The following UBE2E2 variants were observed in gnomAD, a reference collection of about 807,000 sequenced individuals.
UBE2E2 encodes the protein ubiquitin-conjugating enzyme E2 E2.
Under a neutral mutation model 24.7 loss-of-function variants are expected in UBE2E2, and 6 were observed. That is an observed-to-expected ratio of 0.24 (90% confidence interval 0.13 to 0.48). The LOEUF is 0.48. UBE2E2 is among the 20% of genes least tolerant of loss of function. UBE2E2 has a pLI of 0.99. For synonymous variants in UBE2E2, 104 were observed against 83.6 expected (o/e 1.24, Z -1.33); for missense variants, 169 against 245.0 (o/e 0.69, Z 2.07).
At chr3:23,533,624 T>TTTC (rs1695181022) in intron 5 of UBE2E2, among the ~76,000 whole-genome samples, 1 of 145,138 alleles carries the variant, frequency 6.9e-6, no homozygotes, top group Non-Finnish European at 1.5e-5. Context: ...TTAGTATTTT[T>TTTC]TTTTTTTTTT....
At chr3:23,489,828 C>G (rs531651431) in intron 3 of UBE2E2, among the ~76,000 whole-genome samples, 2 of 152,262 alleles carry the variant, frequency 1.3e-5, no homozygotes, top group South Asian at 4.1e-4. Context: ...TTTTCTGACC[C>G]TTAATATTAT....
At chr3:23,389,463 C>T (rs892041565) in intron 3 of UBE2E2, among the ~76,000 whole-genome samples, 4 of 152,180 alleles carry the variant, frequency 2.6e-5, no homozygotes, top group African/African-American at 9.7e-5. Context: ...GACATCTCTC[C>T]GGGGAGGACA....
rs186638873 is a variant in UBE2E2, at chr3:23,291,189, T to C, written c.227+73877T>C. Among the ~76,000 whole-genome samples the C allele has an allele frequency of 7.9e-5, 12 of 152,214 alleles. No individual in the cohort carries two copies. The East Asian group carries it at 2.3e-3, about 29-fold the overall frequency. ...ATAGCTTGGCCAGATAAGGGACTTC[T>C]AGGTAGAACCATGCACAAAAAGGTG... is the stretch of plus-strand genomic sequence containing the variant. On this transcript the variant is annotated intron_variant, in intron 3 of 5. Transcript: ENST00000396703.
chr3:23,298,882 C>T (rs1361431974), intron 3 of UBE2E2, among the ~76,000 whole-genome samples: 1 of 152,132 alleles, frequency 6.6e-6, no homozygotes, highest in East Asian at 1.9e-4. Context: ...CGTCTTTGTA[C>T]CTCTGGTAGA....
In UBE2E2 at chr3:23,247,542, C is replaced by T. The variant is rs568877600; in HGVS notation, c.227+30230C>T. ...GCTAATTTTTGTATTTTCAGTAGGA[C>T]GGGGTTTCTCCATATTGGTCAGGCT... is the stretch of plus-strand genomic sequence containing the variant. On this transcript the variant is annotated intron_variant, in intron 3 of 5. Transcript: ENST00000396703. Among the ~76,000 whole-genome samples, 157 of 152,040 alleles carry T rather than the reference C, an allele frequency of 1.0e-3. 1 individual carries two copies. The highest frequency in any genetic ancestry group is 3.4e-3 in the Middle Eastern group (1 of 292).
chr3:23,471,746 T>C (rs1300873191), intron 3 of UBE2E2, among the ~76,000 whole-genome samples: 2 of 152,086 alleles, frequency 1.3e-5, no homozygotes, highest in Non-Finnish European at 2.9e-5. Context: ...AATTAAGCAG[T>C]ACAGGACAAA....
At chr3:23,464,137 G>T (rs1698872402) in intron 3 of UBE2E2, among the ~76,000 whole-genome samples, 1 of 152,082 alleles carries the variant, frequency 6.6e-6, no homozygotes, top group African/African-American at 2.4e-5. Flanking sequence ...ATCTTTAATA[G>T]TAGTGAGAAC....
At chr3:23,338,793 T>C (rs1351889362) in intron 3 of UBE2E2, among the ~76,000 whole-genome samples, 3 of 152,104 alleles carry the variant, frequency 2.0e-5, no homozygotes, top group Non-Finnish European at 4.4e-5. Context: ...ATTAAGTAAA[T>C]TCAAACGGGA....
intron 3 of UBE2E2, among the ~76,000 whole-genome samples, chr3:23,471,711 A>C (rs1166745165): frequency 2.6e-5 from 4 of 152,230 alleles, no homozygotes; most frequent in Non-Finnish European, 5.9e-5. Flanking sequence ...CTGTCACTGA[A>C]GGAAGCTACT....
intron 3 of UBE2E2, among the ~76,000 whole-genome samples, chr3:23,331,514 G>T (rs1208458642): frequency 6.6e-6 from 1 of 151,344 alleles, no homozygotes. Context: ...CAGGGAGGGG[G>T]GTAAGGTGGT....
intron 3 of UBE2E2, among the ~76,000 whole-genome samples, chr3:23,372,177 T>C (rs1031182265): frequency 1.3e-5 from 2 of 152,216 alleles, no homozygotes; most frequent in African/African-American, 2.4e-5. Context: ...ACTTAATGTT[T>C]ATACATTTTG....
At chr3:23,370,451 C>T (rs1475060296) in intron 3 of UBE2E2, among the ~76,000 whole-genome samples, 1 of 151,974 alleles carries the variant, frequency 6.6e-6, no homozygotes, top group Non-Finnish European at 1.5e-5. Context: ...CAAAGTAAAC[C>T]CCATTATAGA....
At position 23,505,090 on chromosome 3, in the gene UBE2E2, G is replaced by GT. The variant is rs1302162342; in HGVS notation, c.360+5361dup. 4.0e-3 allele frequency among the ~76,000 whole-genome samples: 435 copies of GT among 107,630 alleles called. 1 individual carries two copies. Among genetic ancestry groups the GT allele is most frequent in the Non-Finnish European group, 6.2e-3 (323 of 51,976 alleles). 70.6% of individuals were successfully genotyped at this position (107,630 alleles called of 152,430 possible). A position where few individuals can be genotyped will look rare whatever the true frequency, so the allele number is the denominator to read the frequency against. ...CTGGCTAATTTTTGTTTTTTTTTTT[G>GT]TTTTTTTTTTTGTAGAGACAGGGTT... is the stretch of plus-strand genomic sequence containing the variant. On this transcript the variant is annotated intron_variant, in intron 4 of 5. Transcript: ENST00000396703.
chr3:23,568,448 G>A (rs577354880), intron 5 of UBE2E2, among the ~76,000 whole-genome samples: 3 of 151,686 alleles, frequency 2.0e-5, no homozygotes, highest in African/African-American at 2.4e-5. Flanking sequence ...TTTTTCTTTC[G>A]AGGTGGGAGT....
chr3:23,321,275 T>C (rs1028036825), intron 3 of UBE2E2, among the ~76,000 whole-genome samples: 7 of 152,200 alleles, frequency 4.6e-5, no homozygotes, highest in Admixed American at 1.3e-4. Flanking sequence ...TGGGAGGGGC[T>C]GGCACAATTC....
At chr3:23,275,478 C>T (rs1698355956) in intron 3 of UBE2E2, among the ~76,000 whole-genome samples, 1 of 152,134 alleles carries the variant, frequency 6.6e-6, no homozygotes, top group South Asian at 2.1e-4. Context: ...TTCTGGCCAC[C>T]TGAAGGATTT....
At chr3:23,320,460 G>A (rs989726860) in intron 3 of UBE2E2, among the ~76,000 whole-genome samples, 6 of 152,182 alleles carry the variant, frequency 3.9e-5, no homozygotes, top group Admixed American at 3.9e-4. Flanking sequence ...ACAGAGGTGT[G>A]CAACCATCAT....
intron 3 of UBE2E2, among the ~76,000 whole-genome samples, chr3:23,219,169 C>T (rs1696558884): frequency 6.6e-6 from 1 of 152,108 alleles, no homozygotes; most frequent in African/African-American, 2.4e-5. Flanking sequence ...GCTTTGGCTC[C>T]TTTTATTGAT....
intron 3 of UBE2E2, among the ~76,000 whole-genome samples, chr3:23,303,404 A>G (rs1201546176): frequency 6.6e-6 from 1 of 152,110 alleles, no homozygotes; most frequent in Admixed American, 6.6e-5. Context: ...CTTCCCCTAA[A>G]CCAGTTGCTG....
Sources: gnomAD v4.1 joint callset for allele counts (sites outside exome capture counted in the v4.1 genomes callset) on GRCh38, gnomAD v4.1.1 for gene constraint, MANE v1.5 for transcripts, NCBI Gene and HGNC (gene_info 2026-07-23, HGNC 2026-07-21) for gene names.